GHR: variants seen among roughly 807,000 people sequenced by gnomAD.
GHR encodes GH receptor.
In GHR, 35 loss-of-function variants were observed where a neutral mutation model predicts 67.1. The observed-to-expected ratio is 0.52, with a 90% CI of 0.40 to 0.69. The LOEUF is 0.69. Ranked by LOEUF, GHR falls within the 30% of genes least tolerant of loss-of-function variation. The pLI, the probability that GHR is intolerant of heterozygous loss-of-function variation, is 0.00. For missense variants in GHR, 792 were observed against 764.6 expected (o/e 1.04, Z -0.42); for synonymous variants, 272 against 269.1 (o/e 1.01, Z -0.10).
chr5:42,643,386 G>A (rs1306573071), intron 3 of GHR, among the ~76,000 whole-genome samples: 1 of 152,090 alleles, frequency 6.6e-6, no homozygotes, highest in African/African-American at 2.4e-5. Flanking sequence ...TCTTTTCAAG[G>A]GATTACCTGT....
chr5:42,678,033 C>T (rs550434411), intron 3 of GHR, among the ~76,000 whole-genome samples: 21 of 152,284 alleles, frequency 1.4e-4, no homozygotes, highest in African/African-American at 4.3e-4. Context: ...TTATATAATG[C>T]TTACTCTATA....
chr5:42,565,120 G>A (rs1023401738), intron 1 of GHR, among the ~76,000 whole-genome samples: 3 of 152,080 alleles, frequency 2.0e-5, no homozygotes, highest in Non-Finnish European at 4.4e-5. Flanking sequence ...AGACTGAAGG[G>A]CTCCAGGTGT....
At chr5:42,541,268 T>C (rs1191749100) in intron 1 of GHR, among the ~76,000 whole-genome samples, 4 of 152,180 alleles carry the variant, frequency 2.6e-5, no homozygotes, top group Admixed American at 2.6e-4. Flanking sequence ...AGGATTATTA[T>C]TTATCTAGGT....
chr5:42,643,009 G>A (rs1754555350), intron 3 of GHR, among the ~76,000 whole-genome samples: 1 of 152,068 alleles, frequency 6.6e-6, no homozygotes, highest in African/African-American at 2.4e-5. Flanking sequence ...AATGCACAAG[G>A]AGCTCAATTA....
At chr5:42,492,316 T>C (rs182325706) in intron 1 of GHR, among the ~76,000 whole-genome samples, 1 of 152,278 alleles carries the variant, frequency 6.6e-6, no homozygotes, top group East Asian at 1.9e-4. Flanking sequence ...AGGAAAGAGA[T>C]AAATAAAATA....
intron 1 of GHR, among the ~76,000 whole-genome samples, chr5:42,521,838 T>A (rs1370298771): frequency 1.3e-5 from 2 of 152,218 alleles, no homozygotes; most frequent in East Asian, 3.8e-4. Context: ...GAGCAGTCAA[T>A]CTTTGGAAAT....
At chr5:42,561,935 A>T (rs1749630377) in intron 1 of GHR, among the ~76,000 whole-genome samples, 1 of 152,180 alleles carries the variant, frequency 6.6e-6, no homozygotes, top group African/African-American at 2.4e-5. Context: ...TTATGACAGC[A>T]TTTGAGTAGA....
chr5:42,445,545 T>A (rs185769012), intron 1 of GHR, among the ~76,000 whole-genome samples: 20 of 152,304 alleles, frequency 1.3e-4, no homozygotes, highest in Admixed American at 1.0e-3. Context: ...TGTTTTTACT[T>A]TTTCAAAGTT....
intron 1 of GHR, among the ~76,000 whole-genome samples, chr5:42,459,639 C>G (rs1227542576): frequency 6.6e-6 from 1 of 151,884 alleles, no homozygotes; most frequent in African/African-American, 2.4e-5. Context: ...TGTAACAAAC[C>G]TGCATAGTAC....
At chr5:42,527,998 G>GA (rs539530926) in intron 1 of GHR, among the ~76,000 whole-genome samples, 301 of 151,854 alleles carry the variant, frequency 2.0e-3, no homozygotes, top group Non-Finnish European at 3.0e-3. Context: ...CTCCTGCACA[G>GA]AAAAAAAAGA....
chr5:42,478,138 G>T (rs1745429909), intron 1 of GHR, among the ~76,000 whole-genome samples: 1 of 152,134 alleles, frequency 6.6e-6, no homozygotes. Context: ...TATTAAATAG[G>T]GAATCCTTTC....
intron 1 of GHR, among the ~76,000 whole-genome samples, chr5:42,534,142 A>G (rs1005782553): frequency 4.7e-5 from 7 of 147,950 alleles, no homozygotes; most frequent in African/African-American, 9.9e-5. Context: ...GTACATATGT[A>G]TATATGTATG....
intron 1 of GHR, among the ~76,000 whole-genome samples, chr5:42,507,657 C>T (rs1746834175): frequency 6.6e-6 from 1 of 152,198 alleles, no homozygotes; most frequent in African/African-American, 2.4e-5. Flanking sequence ...AATGCTGAGT[C>T]ACTCGGACCC....
intron 1 of GHR, among the ~76,000 whole-genome samples, chr5:42,443,942 TATAGATATAGATATAG>T (rs1208176041): frequency 3.3e-4 from 48 of 146,384 alleles, no homozygotes; most frequent in South Asian, 6.4e-4. Flanking sequence ...GCCAAGGTGA[TATAGATATAGATATAG>T]ATAGATATAG....
intron 3 of GHR, among the ~76,000 whole-genome samples, chr5:42,687,739 G>A (rs758702463): frequency 4.3e-4 from 65 of 152,138 alleles, no homozygotes; most frequent in Non-Finnish European, 8.7e-4. Flanking sequence ...ATCTTTCAAA[G>A]TATTGACAAA....
rs990046399 is a variant in GHR at position 42,720,823 on chromosome 5, T to C, written c.*1399T>C. ...CATCATTTTTTACTTCCTCTCTGAG[T>C]GGACTGGCCTCAAAGCAAGCATTCA... On this transcript the variant is annotated 3_prime_UTR_variant, in exon 10 of 10. Transcript: ENST00000230882. 1.3e-5 allele frequency: 2 copies of C among 152,220 alleles called. No homozygotes were observed. Among genetic ancestry groups the C allele is most frequent in the Non-Finnish European group, 2.9e-5 (2 of 68,046 alleles). 9.4% of individuals were successfully genotyped at this position (152,220 alleles called of 1,614,324 possible).
chr5:42,634,275 A>T (rs1463180090), intron 3 of GHR, among the ~76,000 whole-genome samples: 1 of 152,122 alleles, frequency 6.6e-6, no homozygotes, highest in African/African-American at 2.4e-5. Context: ...GTATTCTCTT[A>T]TGGCTCTTAT....
At chr5:42,690,410 G>A (rs1285571121) in intron 4 of GHR, among the ~76,000 whole-genome samples, 1 of 152,126 alleles carries the variant, frequency 6.6e-6, no homozygotes, top group Non-Finnish European at 1.5e-5. Flanking sequence ...GATAACCCAT[G>A]AAAAATACTT....
At chr5:42,435,698 C>T (rs1743293868) in intron 1 of GHR, among the ~76,000 whole-genome samples, 1 of 152,180 alleles carries the variant, frequency 6.6e-6, no homozygotes, top group Non-Finnish European at 1.5e-5. Flanking sequence ...CCTAATTCCC[C>T]CAGAGCTTCC....
Sources: gnomAD v4.1 joint callset for allele counts (sites outside exome capture counted in the v4.1 genomes callset) on GRCh38, gnomAD v4.1.1 for gene constraint, MANE v1.5 for transcripts, NCBI Gene and HGNC (gene_info 2026-07-23, HGNC 2026-07-21) for gene names.